The following BROX variants were observed in gnomAD, a reference collection of about 807,000 sequenced individuals.
BROX encodes the protein BRO1 domain-containing protein BROX.
Under a neutral mutation model 61.0 loss-of-function variants are expected in BROX, and 53 were observed. That is an observed-to-expected ratio of 0.87 (90% confidence interval 0.70 to 1.09). The LOEUF (loss-of-function observed/expected upper bound fraction) is 1.09. Among genes scored for constraint, BROX ranks in the 50% least tolerant of loss-of-function variants. BROX has a pLI of 0.00. For synonymous variants in BROX, 152 were observed against 160.2 expected, an observed-to-expected ratio of 0.95 and a Z score of 0.38; for missense variants, 489 against 472.0, an observed-to-expected ratio of 1.04 and a Z score of -0.33.
intron 2 of BROX, among the ~76,000 whole-genome samples, chr1:222,716,599 A>G (rs1403196081): frequency 6.6e-6 from 1 of 152,212 alleles, no homozygotes; most frequent in Non-Finnish European, 1.5e-5. Flanking sequence ...TTTTATAAAT[A>G]AAGTTTTATT....
intron 2 of BROX, among the ~76,000 whole-genome samples, chr1:222,717,480 A>G (rs1370710238): frequency 6.6e-6 from 1 of 152,220 alleles, no homozygotes; most frequent in Non-Finnish European, 1.5e-5. Flanking sequence ...GGTGATGATC[A>G]AGCATCAGTA....
At chr1:222,723,590 C>T (rs1048064630) in intron 5 of BROX, among the ~76,000 whole-genome samples, 3 of 152,178 alleles carry the variant, frequency 2.0e-5, no homozygotes, top group African/African-American at 7.2e-5. Context: ...ATTGGCTTAG[C>T]ATTCAAAATC....
chr1:222,732,612 GT>G lies in BROX; in HGVS notation c.1150-9del, dbSNP rs35549685. 2 of 1,593,016 alleles carry G rather than the reference GT, an allele frequency of 1.3e-6. No individual in the cohort carries two copies. Among genetic ancestry groups the G allele is most frequent in the Admixed American group, 3.5e-5 (2 of 57,428 alleles). On this transcript the variant is annotated splice_polypyrimidine_tract_variant and intron_variant, in intron 12 of 12. Coordinates refer to ENST00000340934, the MANE Select transcript of BROX (RefSeq NM_144695.4). ...TCTTAGTTTATGTACTTAAACTGTG[GT>G]TTTTTTCTCCCTAGACTAAACCCAA...
At chr1:222,714,209 CTTTTTT>C (rs397864188) in intron 1 of BROX, among the ~76,000 whole-genome samples, 1 of 126,800 alleles carries the variant, frequency 7.9e-6, no homozygotes, top group African/African-American at 3.2e-5. Flanking sequence ...AGACATGCTG[CTTTTTT>C]TTTTTTTTTT....
At chr1:222,729,260 A>G (rs1571986886) in intron 9 of BROX, among the ~76,000 whole-genome samples, 1 of 152,308 alleles carries the variant, frequency 6.6e-6, no homozygotes, top group South Asian at 2.1e-4. Context: ...TGTTAATTAG[A>G]ATATCATATG....
chr1:222,727,132 T>TA, intron 7 of BROX, 36 bp from the exon 8 acceptor site: 1 of 1,383,816 alleles, frequency 7.2e-7, no homozygotes, highest in South Asian at 1.2e-5. Context: ...TAAAGTGAGC[T>TA]TAATTATAGA....
At chr1:222,724,856 G>A (rs1247600684) in intron 6 of BROX, among the ~76,000 whole-genome samples, 6 of 151,994 alleles carry the variant, frequency 3.9e-5, no homozygotes, top group Non-Finnish European at 1.5e-5. Flanking sequence ...GTGCAGTGAT[G>A]CGATCTTGGC....
intron 1 of BROX, chr1:222,713,514 G>T: frequency 1.1e-6 from 1 of 897,132 alleles, no homozygotes; most frequent in Non-Finnish European, 1.3e-6. Context: ...GCTTCGATCC[G>T]AATGTTGTAT....
At position 222,731,340 on chromosome 1, in the gene BROX, T is replaced by G. The variant is rs770124047; in HGVS notation, c.990-17T>G. 3 of 1,553,576 alleles carry G rather than the reference T, an allele frequency of 1.9e-6. No individual in the cohort carries two copies. ...ACGAACAAATGAATGAATTGCTATT[T>G]AAATTATTTTTTGCAGTTACTTTCA... On this transcript the variant is annotated splice_polypyrimidine_tract_variant and intron_variant, in intron 11 of 12. Coordinates refer to ENST00000340934, the MANE Select transcript of BROX (RefSeq NM_144695.4).
intron 8 of BROX, 99 bp downstream of exon 8, chr1:222,727,356 CATT>C (rs1470534444): frequency 1.1e-5 from 9 of 841,192 alleles, no homozygotes; most frequent in African/African-American, 1.0e-4. Context: ...CAGATTCTGT[CATT>C]ATTTGCAAAA....
chr1:222,731,503 C>G lies in BROX; in HGVS notation c.1136C>G (p.Pro379Arg). 1.3e-6 allele frequency: 2 copies of G among 1,587,398 alleles called. No homozygotes were observed. The highest frequency in any genetic ancestry group is 1.7e-4 in the Middle Eastern group (1 of 5,992). ...GCTGCATTTGATCTCACCAAAAGAC[C>G]CAAGGATGACAGTGTATGAGATTGT... is the stretch of plus-strand genomic sequence containing the variant. ...TLAAFDLTKR[P>R]KDDSTKPKPE... Residue 379 changes from proline (P) to arginine (R), a missense_variant, in exon 12 of 13, where the codon CCC becomes CGC. Pro to Arg is a moderately radical substitution (Grantham distance 103). Coordinates refer to ENST00000340934, the MANE Select transcript of BROX (RefSeq NM_144695.4).
In BROX at chr1:222,726,784, C is replaced by G. The variant is rs568022254; in HGVS notation, c.581-384C>G. Among the ~76,000 whole-genome samples the G allele has an allele frequency of 1.1e-4, 17 of 151,720 alleles. No homozygotes were observed. The South Asian group carries it at 3.1e-3, about 28-fold the overall frequency. ...TGTGTAGTCTCAGCCACTCAGGAGA[C>G]TGAGGCAGCAGGATCACTTGAGCCT... is the stretch of plus-strand genomic sequence containing the variant. On this transcript the variant is annotated intron_variant, in intron 7 of 12. Transcript: ENST00000340934.
At chr1:222,729,804 G>A in intron 10 of BROX, 103 bp downstream of exon 10, 3 of 1,201,072 alleles carry the variant, frequency 2.5e-6, no homozygotes, top group Non-Finnish European at 3.5e-6. Flanking sequence ...TTCATGAAAG[G>A]GAAATGGGAA....
At chr1:222,721,875 T>A (rs1657121964) in intron 4 of BROX, among the ~76,000 whole-genome samples, 1 of 152,146 alleles carries the variant, frequency 6.6e-6, no homozygotes, top group South Asian at 2.1e-4. Context: ...TTTTTTATAC[T>A]CCTCTTGGGC....
At chr1:222,719,442 G>C in intron 4 of BROX, 83 bp downstream of exon 4, 1 of 969,030 alleles carries the variant, frequency 1.0e-6, no homozygotes, top group Non-Finnish European at 1.6e-6. Context: ...CTTTGTATTT[G>C]GAGAAGAAAA....
At chr1:222,723,207 A>G (rs925410221) in intron 5 of BROX, among the ~76,000 whole-genome samples, 4 of 152,230 alleles carry the variant, frequency 2.6e-5, no homozygotes, top group Admixed American at 1.3e-4. Flanking sequence ...TTGTGTATCT[A>G]TGTGTTTCTT....
chr1:222,714,771 G>C (rs771679120), intron 1 of BROX, among the ~76,000 whole-genome samples: 2 of 151,220 alleles, frequency 1.3e-5, no homozygotes, highest in East Asian at 3.9e-4. Flanking sequence ...GTAGAGACCG[G>C]GTCTCACCAT....
chr1:222,719,418 G>A (rs886718851), intron 4 of BROX, 59 bp downstream of exon 4: 1 of 1,181,176 alleles, frequency 8.5e-7, no homozygotes, highest in African/African-American at 1.5e-5. Context: ...TGTAGCCAGT[G>A]GTTAACTCAT....
rs751100072 is a variant in BROX, at chr1:222,731,534, T to C, written c.1149+18T>C. 20 of 1,570,900 alleles carry C rather than the reference T, an allele frequency of 1.3e-5. No homozygotes were observed. The highest frequency in any genetic ancestry group is 1.7e-5 in the Non-Finnish European group (20 of 1,168,736). On this transcript the variant is annotated intron_variant, in intron 12 of 12. Coordinates refer to ENST00000340934, the MANE Select transcript of BROX (RefSeq NM_144695.4). ...ATGACAGTGTATGAGATTGTTTTTT[T>C]TTTTCCCTCTCATTCACAAAAGTTT...
Sources: gnomAD v4.1 joint callset for allele counts (sites outside exome capture counted in the v4.1 genomes callset) on GRCh38, gnomAD v4.1.1 for gene constraint, MANE v1.5 for transcripts, NCBI Gene and HGNC (gene_info 2026-07-23, HGNC 2026-07-21) for gene names.